The following GALNT13 variants were observed in gnomAD, a reference collection of about 807,000 sequenced individuals.
The protein encoded by GALNT13 is polypeptide N-acetylgalactosaminyltransferase 13.
A neutral mutation model predicts 64.2 loss-of-function variants in GALNT13; 28 were observed. The ratio of observed to expected loss-of-function variants is 0.44; its 90% CI spans 0.32 to 0.60. GALNT13 has a LOEUF of 0.60. GALNT13 is among the 20% of genes least tolerant of loss of function. GALNT13 has a pLI of 0.05. For synonymous variants in GALNT13, 214 were observed against 224.6 expected (o/e 0.95, Z 0.42); for missense variants, 577 against 669.8 (o/e 0.86, Z 1.53).
intron 3 of GALNT13, among the ~76,000 whole-genome samples, chr2:153,992,330 A>G (rs1017773039): frequency 6.6e-6 from 1 of 152,176 alleles, no homozygotes; most frequent in Non-Finnish European, 1.5e-5. Context: ...TGTTCATTTA[A>G]CTAATTTCTA....
rs190442691 is a variant in GALNT13 at position 153,969,956 on chromosome 2, C to T, written c.142+25317C>T. On this transcript the variant is annotated intron_variant, in intron 3 of 12. Coordinates refer to ENST00000392825, the MANE Select transcript of GALNT13 (RefSeq NM_052917.4). ...GAGATTGTTCTTAAGGAAACTGGCA[C>T]TCTTGTTGAATTTGAAGGTTTATGT... Among the ~76,000 whole-genome samples the T allele has an allele frequency of 1.9e-4, 29 of 152,312 alleles. No individual in the cohort carries two copies. In the East Asian group the frequency reaches 4.0e-3, roughly 21 times the overall value.
At chr2:153,585,014 G>A in the GALNT13 span, among the ~76,000 whole-genome samples, 1 of 152,086 alleles carries the variant, frequency 6.6e-6, no homozygotes, top group Admixed American at 6.6e-5. Flanking sequence ...AACATCAAAA[G>A]CAAAGACATA....
the GALNT13 span, among the ~76,000 whole-genome samples, chr2:153,437,131 T>C: frequency 1.3e-5 from 2 of 152,066 alleles, no homozygotes; most frequent in East Asian, 1.9e-4. Context: ...TGTAGTTGAG[T>C]GGTTTTGAGT....
the GALNT13 span, among the ~76,000 whole-genome samples, chr2:153,324,656 A>G: frequency 6.6e-6 from 1 of 152,198 alleles, no homozygotes; most frequent in Non-Finnish European, 1.5e-5. Flanking sequence ...GATATGTCCC[A>G]TTAATACCTA....
chr2:154,062,875 T>G (rs1162289847), intron 3 of GALNT13, among the ~76,000 whole-genome samples: 6 of 152,072 alleles, frequency 3.9e-5, no homozygotes, highest in Admixed American at 3.9e-4. Flanking sequence ...TTTTTTGGCT[T>G]TATGTTTGTT....
chr2:153,696,921 T>A, the GALNT13 span, among the ~76,000 whole-genome samples: 8 of 152,232 alleles, frequency 5.3e-5, no homozygotes, highest in Admixed American at 5.2e-4. Context: ...ATCTAGATTC[T>A]GCCACATTTT....
At chr2:153,981,850 CATAGA>C (rs1256188986) in intron 3 of GALNT13, among the ~76,000 whole-genome samples, 4 of 152,026 alleles carry the variant, frequency 2.6e-5, no homozygotes, top group Non-Finnish European at 4.4e-5. Flanking sequence ...CTCTCTCAGA[CATAGA>C]ATAGCCTGAT....
At chr2:153,340,815 T>G in the GALNT13 span, among the ~76,000 whole-genome samples, 1 of 152,250 alleles carries the variant, frequency 6.6e-6, no homozygotes, top group African/African-American at 2.4e-5. Flanking sequence ...TTTTTAACTT[T>G]GACATCTATT....
chr2:153,902,216 T>C (rs529788701), intron 2 of GALNT13, among the ~76,000 whole-genome samples: 1 of 152,234 alleles, frequency 6.6e-6, no homozygotes, highest in South Asian at 2.1e-4. Flanking sequence ...TAAAATTGAA[T>C]GGATTAAATC....
At chr2:154,330,625 G>C (rs75055130) in intron 9 of GALNT13, among the ~76,000 whole-genome samples, 1,613 of 152,138 alleles carry the variant, frequency 0.011, 11 homozygotes, top group Non-Finnish European at 0.019. Flanking sequence ...AGGGACCAGT[G>C]ATTTGGCCAT....
chr2:153,583,491 A>G, the GALNT13 span, among the ~76,000 whole-genome samples: 1 of 152,202 alleles, frequency 6.6e-6, no homozygotes, highest in Non-Finnish European at 1.5e-5. Flanking sequence ...AAGAAGAAAG[A>G]AAACAAGCAG....
At chr2:153,126,990 G>A in the GALNT13 span, among the ~76,000 whole-genome samples, 6 of 152,054 alleles carry the variant, frequency 3.9e-5, no homozygotes, top group Non-Finnish European at 7.4e-5. Context: ...GTGCTAAGGC[G>A]GCTGAGAGAA....
chr2:153,736,562 T>C, the GALNT13 span, among the ~76,000 whole-genome samples: 1 of 152,190 alleles, frequency 6.6e-6, no homozygotes, highest in African/African-American at 2.4e-5. Context: ...AGAACATGTA[T>C]ATGTTCATGT....
intron 8 of GALNT13, among the ~76,000 whole-genome samples, chr2:154,281,812 C>T (rs772399950): frequency 9.2e-5 from 14 of 151,892 alleles, no homozygotes; most frequent in South Asian, 2.1e-4. Context: ...TCTCCCTTTC[C>T]GCACCCCCAC....
intron 2 of GALNT13, among the ~76,000 whole-genome samples, chr2:153,907,345 A>G (rs1208748407): frequency 6.6e-6 from 1 of 151,820 alleles, no homozygotes; most frequent in Admixed American, 6.6e-5. Context: ...AATTATATAC[A>G]TATGTATCAT....
At chr2:153,988,406 A>C (rs1490066535) in intron 3 of GALNT13, among the ~76,000 whole-genome samples, 2 of 151,966 alleles carry the variant, frequency 1.3e-5, no homozygotes, top group Non-Finnish European at 2.9e-5. Flanking sequence ...TTCTCCATGT[A>C]AGTGAAACAA....
the GALNT13 span, among the ~76,000 whole-genome samples, chr2:153,648,409 T>C: frequency 6.6e-6 from 1 of 152,126 alleles, no homozygotes; most frequent in Non-Finnish European, 1.5e-5. Context: ...TGTCATCTGC[T>C]AACAGGGACA....
chr2:154,170,499 T>A (rs1685289465), intron 4 of GALNT13, among the ~76,000 whole-genome samples: 1 of 152,096 alleles, frequency 6.6e-6, no homozygotes, highest in Non-Finnish European at 1.5e-5. Context: ...CTTCCTGGAA[T>A]AACTATAATA....
chr2:153,712,558 G>A, the GALNT13 span, among the ~76,000 whole-genome samples: 1 of 152,218 alleles, frequency 6.6e-6, no homozygotes, highest in East Asian at 1.9e-4. Context: ...AGGACATTAT[G>A]GTAGCGTAGA....
Sources: gnomAD v4.1 joint callset for allele counts (sites outside exome capture counted in the v4.1 genomes callset) on GRCh38, gnomAD v4.1.1 for gene constraint, MANE v1.5 for transcripts, NCBI Gene and HGNC (gene_info 2026-07-23, HGNC 2026-07-21) for gene names.